ASCC3: variants seen among roughly 807,000 people sequenced by gnomAD.
ASCC3 encodes ASC-1 complex subunit P200.
A neutral mutation model predicts 256.3 loss-of-function variants in ASCC3; 158 were observed. The observed-to-expected ratio is 0.62, with a 90% CI of 0.54 to 0.70. The LOEUF is 0.70. Ranked by LOEUF, ASCC3 falls within the 30% of genes least tolerant of loss-of-function variation. The pLI is 0.00. For missense variants in ASCC3, 2,259 were observed against 2,626.0 expected (o/e 0.86, Z 3.05); for synonymous variants, 948 against 883.4 (o/e 1.07, Z -1.30).
At chr6:100,824,815 G>A (rs1771219491) in intron 4 of ASCC3, among the ~76,000 whole-genome samples, 1 of 152,092 alleles carries the variant, frequency 6.6e-6, no homozygotes, top group Non-Finnish European at 1.5e-5. Context: ...AAAAACTCAT[G>A]TGTACTTGCA....
At chr6:100,608,795 G>A (rs1217407131) in intron 30 of ASCC3, among the ~76,000 whole-genome samples, 21 of 82,864 alleles carry the variant, frequency 2.5e-4, no homozygotes, top group African/African-American at 9.0e-4. Context: ...GCAGAGTCTC[G>A]CTACGTTGCC....
intron 30 of ASCC3, among the ~76,000 whole-genome samples, chr6:100,608,165 TAC>T (rs1460150424): frequency 1.2e-4 from 15 of 122,732 alleles, no homozygotes; most frequent in Non-Finnish European, 2.1e-4. Context: ...CATATTTATA[TAC>T]ATATTTATAT....
intron 14 of ASCC3, among the ~76,000 whole-genome samples, chr6:100,667,309 G>T (rs573624797): frequency 8.2e-4 from 125 of 152,228 alleles, no homozygotes; most frequent in Non-Finnish European, 1.5e-3. Context: ...TACCTAAGCT[G>T]GGAATTATTA....
At chr6:100,562,110 T>C (rs1355884797) in intron 36 of ASCC3, among the ~76,000 whole-genome samples, 1 of 152,004 alleles carries the variant, frequency 6.6e-6, no homozygotes, top group African/African-American at 2.4e-5. Context: ...GATAAGCTTA[T>C]ATTCCATTGG....
At chr6:100,637,554 G>A (rs75622506) in intron 25 of ASCC3, among the ~76,000 whole-genome samples, 4,641 of 152,124 alleles carry the variant, frequency 0.031, 79 homozygotes, top group African/African-American at 0.055. Flanking sequence ...TCATAAGACC[G>A]TAGATAGTGA....
chr6:100,764,554 G>A (rs1288986940), intron 10 of ASCC3, among the ~76,000 whole-genome samples: 2 of 152,112 alleles, frequency 1.3e-5, no homozygotes, highest in African/African-American at 4.8e-5. Flanking sequence ...TCATATATAA[G>A]GCACTTTCAC....
intron 37 of ASCC3, among the ~76,000 whole-genome samples, chr6:100,525,200 AAAAG>A (rs1774518777): frequency 6.6e-6 from 1 of 150,856 alleles, no homozygotes; most frequent in Non-Finnish European, 1.5e-5. Context: ...AAGAAAAAGA[AAAAG>A]AAAAGAGAAA....
At chr6:100,874,319 A>C (rs1773885793) in intron 1 of ASCC3, among the ~76,000 whole-genome samples, 1 of 151,954 alleles carries the variant, frequency 6.6e-6, no homozygotes. Flanking sequence ...TACAGAAATT[A>C]GTTGGGCGTG....
At chr6:100,741,389 G>C (rs74865973) in intron 10 of ASCC3, among the ~76,000 whole-genome samples, 1 of 152,082 alleles carries the variant, frequency 6.6e-6, no homozygotes, top group Admixed American at 6.5e-5. Context: ...GATTATCTTA[G>C]TAGGGTTCTC....
chr6:100,776,858 T>C (rs949945112), intron 8 of ASCC3, among the ~76,000 whole-genome samples: 5 of 152,042 alleles, frequency 3.3e-5, no homozygotes, highest in Admixed American at 2.6e-4. Context: ...AATCAAACCA[T>C]AGACATTAAA....
chr6:100,531,084 CTG>C (rs1774849498), intron 37 of ASCC3: 7 of 1,289,314 alleles, frequency 5.4e-6, no homozygotes, highest in Non-Finnish European at 7.9e-6. Context: ...CGTACATAGT[CTG>C]TACAATAAAT....
chr6:100,652,908 A>G lies in ASCC3; in HGVS notation c.2824-19T>C, dbSNP rs185532469. ...GGTCAATCTATGGCAAAAAATATAT[A>G]AACAGTTGAATAGTGCTTTAGAGAG... On this transcript the variant is annotated intron_variant, in intron 17 of 41. Transcript: ENST00000369162. 3.6e-4 allele frequency: 583 copies of G among 1,608,766 alleles called. No individual in the cohort carries two copies. The highest frequency in any genetic ancestry group is 4.7e-4 in the Admixed American group (28 of 60,014).
intron 36 of ASCC3, among the ~76,000 whole-genome samples, chr6:100,545,661 A>G (rs1466821334): frequency 6.6e-6 from 1 of 152,172 alleles, no homozygotes; most frequent in Non-Finnish European, 1.5e-5. Context: ...GCACAATCAT[A>G]GCTCACTGCA....
chr6:100,757,682 C>A (rs1781243838), intron 10 of ASCC3, among the ~76,000 whole-genome samples: 1 of 151,992 alleles, frequency 6.6e-6, no homozygotes, highest in African/African-American at 2.4e-5. Context: ...CTTATTACAC[C>A]TAATAACCCT....
intron 19 of ASCC3, 88 bp downstream of exon 19, chr6:100,651,472 A>T (rs1468952924): frequency 6.8e-6 from 4 of 590,486 alleles, no homozygotes; most frequent in African/African-American, 5.8e-5. Context: ...TGTGCCATAC[A>T]GCTTATATGG....
chr6:100,653,369 G>A (rs1290651513), intron 17 of ASCC3, among the ~76,000 whole-genome samples: 1 of 152,092 alleles, frequency 6.6e-6, no homozygotes, highest in African/African-American at 2.4e-5. Flanking sequence ...GCCGGGCACA[G>A]TGGCTCACAC....
At chr6:100,697,567 A>C (rs1001371978) in intron 13 of ASCC3, among the ~76,000 whole-genome samples, 5 of 152,158 alleles carry the variant, frequency 3.3e-5, no homozygotes, top group African/African-American at 1.2e-4. Context: ...CATTTTCAAG[A>C]AAATAAACAA....
chr6:100,733,276 T>C (rs1409441469), intron 10 of ASCC3, among the ~76,000 whole-genome samples: 2 of 152,176 alleles, frequency 1.3e-5, no homozygotes, highest in Admixed American at 1.3e-4. Context: ...GTATGTTCAC[T>C]CAGTGACCAT....
At chr6:100,582,853 T>A (rs1175391709) in intron 36 of ASCC3, among the ~76,000 whole-genome samples, 1 of 152,140 alleles carries the variant, frequency 6.6e-6, no homozygotes, top group Non-Finnish European at 1.5e-5. Context: ...ATCATGTGGT[T>A]TTTGTCTTTG....
Sources: allele counts gnomAD v4.1 joint callset (sites outside exome capture counted in the v4.1 genomes callset), GRCh38; gene constraint gnomAD v4.1.1; transcripts MANE v1.5; gene names NCBI Gene and HGNC (gene_info 2026-07-23, HGNC 2026-07-21).